Variants in THNSL1 observed in about 807,000 individuals in gnomAD.
The protein encoded by THNSL1 is threonine synthase like 1.
Under a neutral mutation model 50.4 loss-of-function variants are expected in THNSL1, and 48 were observed. The observed-to-expected ratio is 0.95, with a 90% CI of 0.76 to 1.21. THNSL1 has a LOEUF of 1.21. Ranked by LOEUF, THNSL1 falls within the 50% of genes most tolerant of loss-of-function variation. THNSL1 has a pLI of 0.00. For missense variants in THNSL1, 896 were observed against 871.7 expected (o/e 1.03, Z -0.35); for synonymous variants, 309 against 306.1 (o/e 1.01, Z -0.10).
the THNSL1 span, among the ~76,000 whole-genome samples, chr10:24,991,702 GCCCACGT>G: frequency 6.6e-6 from 1 of 152,134 alleles, no homozygotes; most frequent in South Asian, 2.1e-4. Context: ...CATTCTCCAA[GCCCACGT>G]GTGATCCAAT....
chr10:24,985,228 A>G, the THNSL1 span, among the ~76,000 whole-genome samples: 2 of 152,214 alleles, frequency 1.3e-5, no homozygotes, highest in East Asian at 1.9e-4. Context: ...CAGCAAATGC[A>G]TGGGTAAAAA....
the THNSL1 span, among the ~76,000 whole-genome samples, chr10:24,963,934 G>T: frequency 3.3e-5 from 5 of 152,142 alleles, no homozygotes; most frequent in East Asian, 3.8e-4. Flanking sequence ...GAGCTTAGAA[G>T]ATTTTGCCAA....
intron 1 of THNSL1, among the ~76,000 whole-genome samples, chr10:25,020,479 T>C (rs538416341): frequency 3.3e-5 from 5 of 152,162 alleles, no homozygotes; most frequent in African/African-American, 1.2e-4. Flanking sequence ...AGATGAAAGA[T>C]TTACTGGGCC....
chr10:24,954,537 G>T, the THNSL1 span, among the ~76,000 whole-genome samples: 1 of 152,110 alleles, frequency 6.6e-6, no homozygotes, highest in Non-Finnish European at 1.5e-5. Context: ...GGAAATGGTA[G>T]ATAAATCTTC....
chr10:25,022,264 G>A (rs1162702182), intron 2 of THNSL1, among the ~76,000 whole-genome samples: 1 of 152,080 alleles, frequency 6.6e-6, no homozygotes, highest in East Asian at 1.9e-4. Flanking sequence ...GAGCTTCTTT[G>A]GATGCCAGAA....
In THNSL1 at chr10:25,024,986, CAG is replaced by C. The variant is rs1271281055; in HGVS notation, c.1765_1766del (p.Glu589IlefsTer3). 2 of 1,614,028 alleles carry C rather than the reference CAG, an allele frequency of 1.2e-6. No homozygotes were observed. The highest frequency in any genetic ancestry group is 2.2e-5 in the East Asian group (1 of 44,890). The stretch of plus-strand genomic sequence containing the variant: ...GCTAATAAAGATGGACAGCTAATGA[CAG>C]AATTATTTAATCGATTAGAAAGTCA... On this transcript the variant is annotated frameshift_variant, in exon 3 of 3. Transcript: ENST00000376356. LOFTEE classifies it high-confidence loss of function.
the THNSL1 span, chr10:24,995,658 G>A: frequency 3.1e-6 from 5 of 1,609,524 alleles, no homozygotes; most frequent in African/African-American, 2.7e-5. Flanking sequence ...TTTTATTGAT[G>A]TACTTTGGAA....
chr10:24,963,654 A>G, the THNSL1 span, among the ~76,000 whole-genome samples: 1 of 152,194 alleles, frequency 6.6e-6, no homozygotes, highest in Non-Finnish European at 1.5e-5. Context: ...TTCTTCTTGC[A>G]AAAGACAAAT....
At chr10:24,952,381 C>T in the THNSL1 span, 3 of 914,922 alleles carry the variant, frequency 3.3e-6, no homozygotes, top group Non-Finnish European at 1.7e-6. The surrounding 1 kb of genome is among the most constrained non-coding windows in gnomAD (Gnocchi z 5.1). Context: ...GGCCCGGGTC[C>T]GAGGATGGAA....
chr10:24,989,565 A>C, the THNSL1 span, among the ~76,000 whole-genome samples: 1 of 152,142 alleles, frequency 6.6e-6, no homozygotes, highest in Admixed American at 6.5e-5. Context: ...TCACTAATTA[A>C]ATTGCACAAT....
chr10:24,970,356 T>A, the THNSL1 span, among the ~76,000 whole-genome samples: 1 of 152,194 alleles, frequency 6.6e-6, no homozygotes, highest in Non-Finnish European at 1.5e-5. Flanking sequence ...TTACACACTC[T>A]TTTAAATAGG....
chr10:24,984,198 A>C, the THNSL1 span: 2 of 659,606 alleles, frequency 3.0e-6, no homozygotes, highest in Non-Finnish European at 4.9e-6. Context: ...GAATACTGAA[A>C]ATATTTCTCA....
rs747118629 is a variant in THNSL1 at position 25,023,882 on chromosome 10, T to G, written c.659T>G (p.Ile220Ser). 11 of 1,614,022 alleles carry G rather than the reference T, an allele frequency of 6.8e-6. No individual in the cohort carries two copies. In the South Asian group the frequency reaches 1.2e-4, roughly 18 times the overall value. The change falls in exon 3 of 3, where the codon ATT (isoleucine) becomes AGT (serine). Residue 220 changes from isoleucine (I) to serine (S), a missense_variant. Physicochemically the swap from Ile to Ser is moderately radical, Grantham distance 142. Transcript: ENST00000376356. The stretch of plus-strand genomic sequence containing the variant: ...GTAGCTGACAAAGTGCTGAATGCAA[T>G]TAAAAGATACCAAGATGTGGACTCG... The part of the protein sequence containing the change: ...EEVADKVLNA[I>S]KRYQDVDSET...
At chr10:24,999,897 A>T in the THNSL1 span, among the ~76,000 whole-genome samples, 1 of 152,116 alleles carries the variant, frequency 6.6e-6, no homozygotes, top group South Asian at 2.1e-4. Flanking sequence ...TATTAATTTT[A>T]TGAATCTTCT....
the THNSL1 span, among the ~76,000 whole-genome samples, chr10:25,003,003 A>G: frequency 6.6e-6 from 1 of 152,054 alleles, no homozygotes; most frequent in Non-Finnish European, 1.5e-5. Flanking sequence ...AGGTATATGA[A>G]CTGAAAGCCT....
At chr10:25,016,204 C>A (rs949959585), upstream of THNSL1, 1 of 1,167,318 alleles carries the variant, frequency 8.6e-7, no homozygotes, top group Non-Finnish European at 1.1e-6. Flanking sequence ...AAGTGGCAGG[C>A]AGCACCGCAA....
rs1411587237 is a variant in THNSL1 at position 25,025,438 on chromosome 10, C to CA, written c.2219dup (p.Asn740LysfsTer15). The CA allele has an allele frequency of 1.2e-6, 2 of 1,602,706 alleles. No individual in the cohort carries two copies. Among genetic ancestry groups the CA allele is most frequent in the Non-Finnish European group, 1.7e-6 (2 of 1,176,018 alleles). ...GAAGAGTCATGTGGAACAACTTGTC[C>CA]AAAATCAATTCATATGAAAGCTTTC... is the stretch of plus-strand genomic sequence containing the variant. On this transcript the variant is annotated frameshift_variant, in exon 3 of 3. Transcript: ENST00000376356. LOFTEE classifies it high-confidence loss of function.
the THNSL1 span, among the ~76,000 whole-genome samples, chr10:24,952,773 C>G: frequency 1.8e-4 from 28 of 151,702 alleles, no homozygotes; most frequent in Admixed American, 1.6e-3. The surrounding 1 kb of genome is among the most constrained non-coding windows in gnomAD (Gnocchi z 5.1). Flanking sequence ...GCTGCGCCCC[C>G]TCCCCTGGCT....
At chr10:25,021,430 T>C (rs2132751745) in intron 1 of THNSL1, among the ~76,000 whole-genome samples, 2 of 152,336 alleles carry the variant, frequency 1.3e-5, no homozygotes, top group South Asian at 4.1e-4. Context: ...CTGATCATTA[T>C]ACAGCCAAAT....
Sources: allele counts gnomAD v4.1 joint callset (sites outside exome capture counted in the v4.1 genomes callset), GRCh38; gene constraint gnomAD v4.1.1; non-coding constraint Gnocchi (gnomAD v3.1); transcripts MANE v1.5; gene names NCBI Gene and HGNC (gene_info 2026-07-23, HGNC 2026-07-21).